Variants in DPH6 observed in about 807,000 individuals in gnomAD.
DPH6 encodes diphthamine biosynthesis 6.
A neutral mutation model predicts 38.2 loss-of-function variants in DPH6; 33 were observed. That is an observed-to-expected ratio of 0.86 (90% CI 0.65 to 1.15). The LOEUF is 1.15. DPH6 is among the 50% of genes most tolerant of loss of function. The pLI, the probability that DPH6 is intolerant of heterozygous loss-of-function variation, is 0.00. For missense variants in DPH6, 325 were observed against 320.0 expected, an observed-to-expected ratio of 1.02 and a Z score of -0.12; for synonymous variants, 108 against 103.0, an observed-to-expected ratio of 1.05 and a Z score of -0.30.
chr15:35,498,943 TAAA>T (rs61542040), intron 3 of DPH6, among the ~76,000 whole-genome samples: 218 of 108,428 alleles, frequency 2.0e-3, no homozygotes, highest in African/African-American at 7.0e-3. Context: ...CCTCATCTCT[TAAA>T]AAAAAAAAAA....
At chr15:35,216,444 G>A (rs377629263), downstream of DPH6, among the ~76,000 whole-genome samples, 3 of 152,056 alleles carry the variant, frequency 2.0e-5, no homozygotes, top group African/African-American at 7.2e-5. Context: ...CATATTCAAT[G>A]CTATTGGTTT....
intron 3 of DPH6, among the ~76,000 whole-genome samples, chr15:35,496,329 T>C (rs1464378137): frequency 6.6e-6 from 1 of 151,222 alleles, no homozygotes; most frequent in Admixed American, 6.6e-5. Flanking sequence ...CCGAGGCGGG[T>C]GAATCACCTG....
the DPH6 span, among the ~76,000 whole-genome samples, chr15:35,177,542 C>T: frequency 7.2e-6 from 1 of 139,242 alleles, no homozygotes; most frequent in Non-Finnish European, 1.5e-5. Flanking sequence ...CCTATGATTG[C>T]ACTTGCACTC....
At chr15:35,173,301 TCTTA>T in the DPH6 span, among the ~76,000 whole-genome samples, 1 of 152,228 alleles carries the variant, frequency 6.6e-6, no homozygotes, top group Non-Finnish European at 1.5e-5. Context: ...GTCTCTTTTG[TCTTA>T]CTTAGCTCCT....
chr15:35,450,145 C>A (rs951043592), intron 5 of DPH6, among the ~76,000 whole-genome samples: 1 of 152,098 alleles, frequency 6.6e-6, no homozygotes, highest in African/African-American at 2.4e-5. Flanking sequence ...TCTATGCTAA[C>A]TAATCAGATA....
chr15:35,425,652 G>T (rs2053559265), intron 5 of DPH6, among the ~76,000 whole-genome samples: 1 of 139,480 alleles, frequency 7.2e-6, no homozygotes, highest in Non-Finnish European at 1.5e-5. Context: ...CCATATATAA[G>T]ATATATATGG....
intron 3 of DPH6, among the ~76,000 whole-genome samples, chr15:35,466,825 G>T (rs1426185924): frequency 6.6e-6 from 1 of 152,004 alleles, no homozygotes; most frequent in Admixed American, 6.6e-5. Context: ...AAATATTTGG[G>T]TATCTAAACA....
intron 3 of DPH6, among the ~76,000 whole-genome samples, chr15:35,511,825 A>T (rs974631705): frequency 2.0e-5 from 3 of 152,338 alleles, no homozygotes; most frequent in Non-Finnish European, 4.4e-5. Flanking sequence ...CATAATTCCA[A>T]GATGGTGATA....
chr15:35,191,309 G>T, the DPH6 span, among the ~76,000 whole-genome samples: 1 of 152,120 alleles, frequency 6.6e-6, no homozygotes, highest in Admixed American at 6.6e-5. Flanking sequence ...TATCTGTTCT[G>T]CTTTCATGAC....
intron 1 of DPH6, among the ~76,000 whole-genome samples, chr15:35,543,259 A>AATAT (rs6145522): frequency 0.012 from 1,373 of 113,636 alleles, 17 homozygotes; most frequent in African/African-American, 0.016. Flanking sequence ...ACATACACAT[A>AATAT]ATATATATAT....
Position 35,512,278 on chromosome 15 carries a change from T to C in DPH6, c.312+25996A>G, listed in dbSNP as rs147679082. Among the ~76,000 whole-genome samples, 879 of 152,268 alleles carry C rather than the reference T, an allele frequency of 5.8e-3. 9 individuals are homozygous for C. The highest frequency in any genetic ancestry group is 0.016 in the African/African-American group (669 of 41,550). On this transcript the variant is annotated intron_variant, in intron 3 of 8. Transcript: ENST00000256538. ...CATTTTTAAATGTTGCCAAACTTAATGATGCCAATAGAAAATAAGTCAGTT... is the reference window on the plus strand; with the variant it reads ...CATTTTTAAATGTTGCCAAACTTAACGATGCCAATAGAAAATAAGTCAGTT...
At chr15:35,146,978 G>A in the DPH6 span, among the ~76,000 whole-genome samples, 1 of 152,042 alleles carries the variant, frequency 6.6e-6, no homozygotes, top group African/African-American at 2.4e-5. Flanking sequence ...CTCTTTTTCT[G>A]GAGGAAACAC....
intron 3 of DPH6, among the ~76,000 whole-genome samples, chr15:35,312,483 C>T (rs570865635): frequency 2.6e-5 from 4 of 152,244 alleles, no homozygotes; most frequent in East Asian, 3.9e-4. Flanking sequence ...CTGAGTATTA[C>T]GAAATCTGTA....
At chr15:35,517,325 G>C in intron 3 of DPH6, among the ~76,000 whole-genome samples, 1 of 152,064 alleles carries the variant, frequency 6.6e-6, no homozygotes, top group Non-Finnish European at 1.5e-5. Context: ...TCAGTAGATA[G>C]AGCAGCTGTA....
chr15:35,164,674 T>C, the DPH6 span, among the ~76,000 whole-genome samples: 1 of 151,818 alleles, frequency 6.6e-6, no homozygotes, highest in Non-Finnish European at 1.5e-5. Context: ...TTGCCGTATT[T>C]TTACCCTATG....
At chr15:35,357,298 C>T (rs187895092) in intron 3 of DPH6, among the ~76,000 whole-genome samples, 28 of 152,362 alleles carry the variant, frequency 1.8e-4, no homozygotes, top group South Asian at 1.2e-3. Flanking sequence ...TCTTGCACCA[C>T]TGTCCGACAC....
chr15:35,190,319 G>A, the DPH6 span, among the ~76,000 whole-genome samples: 18 of 152,206 alleles, frequency 1.2e-4, no homozygotes, highest in Non-Finnish European at 2.6e-4. Flanking sequence ...TCGGAAGACC[G>A]GAGTTTTATT....
intron 3 of DPH6, among the ~76,000 whole-genome samples, chr15:35,466,127 G>T (rs1419753878): frequency 6.6e-6 from 1 of 152,072 alleles, no homozygotes. Context: ...CCTGAGCCTG[G>T]GAGACTGAGG....
the DPH6 span, among the ~76,000 whole-genome samples, chr15:35,172,362 C>T: frequency 6.6e-6 from 1 of 152,122 alleles, no homozygotes; most frequent in Non-Finnish European, 1.5e-5. Context: ...ACTGTTAAAA[C>T]AAGGTGTTTA....
Sources: gnomAD v4.1 joint callset for allele counts (sites outside exome capture counted in the v4.1 genomes callset) on GRCh38, gnomAD v4.1.1 for gene constraint, MANE v1.5 for transcripts, NCBI Gene and HGNC (gene_info 2026-07-23, HGNC 2026-07-21) for gene names.